Variants in PCDHGA1 observed in about 807,000 individuals in gnomAD.
The protein encoded by PCDHGA1 is protocadherin gamma-A1.
PCDHGA1 carries 32 observed loss-of-function variants against 58.0 expected under a neutral mutation model. That is an observed-to-expected ratio of 0.55 (90% CI 0.42 to 0.74). The LOEUF is 0.74. Ranked by LOEUF, PCDHGA1 falls within the 30% of genes least tolerant of loss-of-function variation. The pLI is 0.00. For synonymous variants in PCDHGA1, 498 were observed against 501.1 expected, an observed-to-expected ratio of 0.99 and a Z score of 0.08; for missense variants, 1,205 against 1,182.3, an observed-to-expected ratio of 1.02 and a Z score of -0.28.
Position 141,489,088 on chromosome 5 carries a change from G to GCCA in PCDHGA1, c.2422-5719_2422-5718insCCA. ...CCCCTGCCCACCCCCGCCACTCGGTGACTAAGAACTGCTGCAAGCAGGCAA... is the reference window on the plus strand; with the variant it reads ...CCCCTGCCCACCCCCGCCACTCGGTGCCAACTAAGAACTGCTGCAAGCAGGCAA... On this transcript the variant is annotated intron_variant, in intron 1 of 3. Coordinates refer to ENST00000517417, the MANE Select transcript of PCDHGA1 (RefSeq NM_018912.3). This position sits in a 1 kb window ranked among gnomAD's most constrained non-coding sequence, Gnocchi z 4.5. The GCCA allele has an allele frequency of 2.9e-6, 1 of 347,238 alleles. No individual in the cohort carries two copies. 21.5% of individuals were successfully genotyped at this position (347,238 alleles called of 1,614,324 possible). A position where few individuals can be genotyped will look rare whatever the true frequency, so the allele number is the denominator to read the frequency against.
intron 1 of PCDHGA1, chr5:141,427,265 C>A (rs767369457): frequency 6.6e-6 from 3 of 456,572 alleles, no homozygotes; most frequent in Non-Finnish European, 8.8e-6. Context: ...GCATGACCAG[C>A]GAATGTAAAA....
intron 1 of PCDHGA1, chr5:141,419,023 A>C: frequency 6.2e-7 from 1 of 1,613,958 alleles, no homozygotes; most frequent in East Asian, 2.2e-5. Context: ...GCTTAAGTAG[A>C]GGTGTTCCAT....
At position 141,477,681 on chromosome 5, in the gene PCDHGA1, T is replaced by C; in HGVS notation, c.2422-17126T>C. On this transcript the variant is annotated intron_variant, in intron 1 of 3. Coordinates refer to ENST00000517417, the MANE Select transcript of PCDHGA1 (RefSeq NM_018912.3). The surrounding 1 kb of genome is among the most constrained non-coding windows in gnomAD (Gnocchi z 4.9). The stretch of plus-strand genomic sequence containing the variant: ...CGTGACAATGGCATAGTGTCATCCT[T>C]AGTGCCCCTAGACTATGAGGATCGG... 6.2e-7 allele frequency: 1 copy of C among 1,614,180 alleles called. No individual in the cohort carries two copies. The highest frequency in any genetic ancestry group is 8.5e-7 in the Non-Finnish European group (1 of 1,180,046).
chr5:141,489,458 G>A lies in PCDHGA1; in HGVS notation c.2422-5349G>A, dbSNP rs143138320. 3.5e-5 allele frequency: 56 copies of A among 1,614,042 alleles called. No homozygotes were observed. The highest frequency in any genetic ancestry group is 8.0e-5 in the African/African-American group (6 of 75,052). ...CAATTGGGCTCTGAGGAGAATGGGC[G>A]CTATTTTTCCCTGAGCTTGATGAGT... is the stretch of plus-strand genomic sequence containing the variant. On this transcript the variant is annotated intron_variant, in intron 1 of 3. Transcript: ENST00000517417. This position sits in a 1 kb window ranked among gnomAD's most constrained non-coding sequence, Gnocchi z 4.5.
At chr5:141,374,056 T>A in intron 1 of PCDHGA1, 1 of 1,485,728 alleles carries the variant, frequency 6.7e-7, no homozygotes, top group Non-Finnish European at 8.9e-7. Context: ...CTCTTCTTAA[T>A]CCCAGAGAAG....
chr5:141,375,189 T>A, intron 1 of PCDHGA1: 1 of 1,613,998 alleles, frequency 6.2e-7, no homozygotes, highest in Non-Finnish European at 8.5e-7. Context: ...ATCGCCCTTT[T>A]TCAAGTGTTC....
chr5:141,491,126 G>A lies in PCDHGA1; in HGVS notation c.2422-3681G>A, dbSNP rs768294944. 1.4e-5 allele frequency: 23 copies of A among 1,613,978 alleles called. No individual in the cohort carries two copies. In the East Asian group the frequency reaches 3.1e-4, roughly 22 times the overall value. On this transcript the variant is annotated intron_variant, in intron 1 of 3. Transcript: ENST00000517417. This position sits in a 1 kb window ranked among gnomAD's most constrained non-coding sequence, Gnocchi z 6.9. ...GTGTCTACACACACTGGTGAGGTGCGCACAGCCCGGGCCTTACTGGAGGAT... is the reference window on the plus strand; with the variant it reads ...GTGTCTACACACACTGGTGAGGTGCACACAGCCCGGGCCTTACTGGAGGAT...
chr5:141,426,310 A>G, intron 1 of PCDHGA1: 1 of 173,588 alleles, frequency 5.8e-6, no homozygotes. Context: ...GAAGCAGAGA[A>G]GCAGGACCCG....
At position 141,487,499 on chromosome 5, in the gene PCDHGA1, G is replaced by C; in HGVS notation, c.2422-7308G>C. 6.2e-7 allele frequency: 1 copy of C among 1,614,152 alleles called. No individual in the cohort carries two copies. The highest frequency in any genetic ancestry group is 1.3e-5 in the African/African-American group (1 of 75,042). ...CCACTCTCATGGCTGTACACCCTTG[G>C]CTTCTGCACCCACTCGGAGTGATAG... On this transcript the variant is annotated intron_variant, in intron 1 of 3. Coordinates refer to ENST00000517417, the MANE Select transcript of PCDHGA1 (RefSeq NM_018912.3). The surrounding 1 kb of genome is among the most constrained non-coding windows in gnomAD (Gnocchi z 5.0).
At chr5:141,339,275 TG>T (rs1277060717) in intron 1 of PCDHGA1, 1 of 1,614,256 alleles carries the variant, frequency 6.2e-7, no homozygotes, top group East Asian at 2.2e-5. Flanking sequence ...GAGCGCACCC[TG>T]TCTGTTGAAT....
intron 2 of PCDHGA1, among the ~76,000 whole-genome samples, chr5:141,496,392 C>T (rs6879760): frequency 0.064 from 9,762 of 152,240 alleles, 510 homozygotes; most frequent in African/African-American, 0.15. Context: ...CCTTACCCTA[C>T]CTCCTCAATG....
intron 1 of PCDHGA1, chr5:141,408,246 A>C: frequency 6.3e-7 from 1 of 1,590,754 alleles, no homozygotes; most frequent in Non-Finnish European, 8.6e-7. Flanking sequence ...GGCCCGCGGC[A>C]GGTGCTATTT....
chr5:141,383,687 C>G, intron 1 of PCDHGA1: 3 of 1,613,968 alleles, frequency 1.9e-6, no homozygotes, highest in Non-Finnish European at 2.5e-6. Flanking sequence ...AGACTGCTCA[C>G]GGTACATGCT....
intron 1 of PCDHGA1, chr5:141,359,955 C>G (rs1375223360): frequency 1.1e-5 from 6 of 566,630 alleles, no homozygotes; most frequent in Non-Finnish European, 1.7e-5. Flanking sequence ...GTCAAAAGAA[C>G]GAAGAGAAGC....
intron 1 of PCDHGA1, among the ~76,000 whole-genome samples, chr5:141,465,280 C>T (rs922029628): frequency 7.2e-5 from 11 of 151,990 alleles, no homozygotes; most frequent in Non-Finnish European, 1.5e-4. Flanking sequence ...TTAGTTCACC[C>T]CTAAAGAACT....
chr5:141,398,704 G>A (rs1044524998), intron 1 of PCDHGA1: 9 of 1,613,808 alleles, frequency 5.6e-6, no homozygotes, highest in Non-Finnish European at 7.6e-6. Flanking sequence ...TAAATACCCG[G>A]AACTGGCACT....
rs199507728 is a variant in PCDHGA1, at chr5:141,422,807, G to A, written c.2422-72000G>A. On this transcript the variant is annotated intron_variant, in intron 1 of 3. Coordinates refer to ENST00000517417, the MANE Select transcript of PCDHGA1 (RefSeq NM_018912.3). ...CAATCCTTCGACTATGAGCAGTTTC[G>A]AGACTTAGAACTGAGAGTGATAGCA... 1.9e-3 allele frequency: 3,146 copies of A among 1,614,198 alleles called. 36 individuals are homozygous for A. The highest frequency in any genetic ancestry group is 0.018 in the South Asian group (1,680 of 91,084).
intron 1 of PCDHGA1, chr5:141,479,772 G>A (rs904607838): frequency 1.3e-5 from 2 of 152,192 alleles, no homozygotes; most frequent in Non-Finnish European, 2.9e-5. Flanking sequence ...CATATCCTTA[G>A]ACAGGTAAAG....
At chr5:141,350,263 G>A (rs751867233) in intron 1 of PCDHGA1, 3 of 1,510,376 alleles carry the variant, frequency 2.0e-6, no homozygotes, top group African/African-American at 2.8e-5. Flanking sequence ...TTCCTGAAAT[G>A]CAGAGAGCCA....
Sources: allele counts gnomAD v4.1 joint callset (sites outside exome capture counted in the v4.1 genomes callset), GRCh38; gene constraint gnomAD v4.1.1; non-coding constraint Gnocchi (gnomAD v3.1); transcripts MANE v1.5; gene names NCBI Gene and HGNC (gene_info 2026-07-23, HGNC 2026-07-21).